TGM3: variants seen among roughly 807,000 people sequenced by gnomAD.
TGM3 encodes protein-glutamine gamma-glutamyltransferase E.
Under a neutral mutation model 73.8 loss-of-function variants are expected in TGM3, and 52 were observed. That is an observed-to-expected ratio of 0.70 (90% CI 0.56 to 0.89). The LOEUF (loss-of-function observed/expected upper bound fraction) is 0.89. Ranked by LOEUF, TGM3 falls within the 40% of genes least tolerant of loss-of-function variation. TGM3 has a pLI of 0.00. For missense variants in TGM3, 928 were observed against 909.9 expected (o/e 1.02, Z -0.26); for synonymous variants, 372 against 354.9 (o/e 1.05, Z -0.54).
Position 2,310,449 on chromosome 20 carries a change from T to G in TGM3, c.421+32T>G, listed in dbSNP as rs1600695078. The G allele has an allele frequency of 1.1e-5, 17 of 1,606,642 alleles. No individual in the cohort carries two copies. In the East Asian group the frequency reaches 3.8e-4, roughly 36 times the overall value. On this transcript the variant is annotated intron_variant, in intron 3 of 12. Transcript: ENST00000381458. ...GTCTAGCCACCCACACTCTCAGCCC[T>G]GGCCTAAGCTAGAAAAGAAAAAGGG...
chr20:2,310,471 A>C (rs1290506985), intron 3 of TGM3, 54 bp downstream of exon 3: 1 of 1,593,678 alleles, frequency 6.3e-7, no homozygotes, highest in Non-Finnish European at 8.6e-7. Flanking sequence ...GAAAAGAAAA[A>C]GGGGATGGGG....
At chr20:2,298,810 A>ACTCT (rs202100268) in intron 1 of TGM3, among the ~76,000 whole-genome samples, 2 of 151,118 alleles carry the variant, frequency 1.3e-5, no homozygotes, top group African/African-American at 2.4e-5. Context: ...GGCAATATCT[A>ACTCT]CTCTCTCTCT....
In TGM3 at chr20:2,335,135, G is replaced by T. The variant is rs774955205; in HGVS notation, c.1662G>T (p.Lys554Asn). ...TTCCAGAGGCAGAACATCCCATAAAGATCTCGTACGCTCAGTATGAGAAGT... is the reference window on the plus strand; with the variant it reads ...TTCCAGAGGCAGAACATCCCATAAATATCTCGTACGCTCAGTATGAGAAGT... ...DPEEEAEHPIKISYAQYEKYL... is the reference protein window; with the variant it reads ...DPEEEAEHPINISYAQYEKYL... The change falls in exon 11 of 13, where the codon AAG becomes AAT. Residue 554 changes from lysine to asparagine, a missense_variant. Physicochemically the swap from Lys to Asn is moderately conservative, Grantham distance 94. Transcript: ENST00000381458. 4 of 1,614,110 alleles carry T rather than the reference G, an allele frequency of 2.5e-6. No homozygotes were observed. The African/African-American group carries it at 5.3e-5, about 22-fold the overall frequency.
At position 2,334,991 on chromosome 20, in the gene TGM3, A is replaced by T; in HGVS notation, c.1643-125A>T. On this transcript the variant is annotated intron_variant, in intron 10 of 12. Transcript: ENST00000381458. The surrounding 1 kb of genome is among the most constrained non-coding windows in gnomAD (Gnocchi z 4.0). Reference sequence around the variant, plus strand: ...ACAGGACCTGGCCCAAGGAGGGCTCAGTCAAGCCCGGGGCTGCAGATCCTC... The same window carrying T: ...ACAGGACCTGGCCCAAGGAGGGCTCTGTCAAGCCCGGGGCTGCAGATCCTC... 8.0e-7 allele frequency: 1 copy of T among 1,243,478 alleles called. No individual in the cohort carries two copies. The highest frequency in any genetic ancestry group is 1.1e-6 in the Non-Finnish European group (1 of 881,494). The allele number at this position is 1,243,478 out of a possible 1,614,324, so 77.0% of individuals were successfully genotyped here.
rs1178199040 is a variant in TGM3, at chr20:2,309,797, T to A, written c.148T>A (p.Ser50Thr). 4 of 1,614,192 alleles carry A rather than the reference T, an allele frequency of 2.5e-6. No individual in the cohort carries two copies. The South Asian group carries it at 3.3e-5, about 13-fold the overall frequency. Reference sequence around the variant, plus strand: ...AATGATCATGAACAAAGGCCTTGGCTCTAACGAAAGACTGGAGTTCATTGT... The same window carrying A: ...AATGATCATGAACAAAGGCCTTGGCACTAACGAAAGACTGGAGTTCATTGT... ...VLMIMNKGLGSNERLEFIVST... is the reference protein window; with the variant it reads ...VLMIMNKGLGTNERLEFIVST... The change falls in exon 2 of 13, where the codon TCT becomes ACT. Residue 50 changes from serine (S) to threonine (T), a missense_variant. Physicochemically the swap from Ser to Thr is moderately conservative, Grantham distance 58. Coordinates refer to ENST00000381458, the MANE Select transcript of TGM3 (RefSeq NM_003245.4).
intron 7 of TGM3, among the ~76,000 whole-genome samples, chr20:2,324,121 A>G (rs79934144): frequency 0.014 from 2,163 of 150,860 alleles, 46 homozygotes; most frequent in African/African-American, 0.049. Flanking sequence ...AAATTTATTG[A>G]CTCTTTCCTC....
chr20:2,298,714 T>C (rs1015929832), intron 1 of TGM3, among the ~76,000 whole-genome samples: 6 of 152,204 alleles, frequency 3.9e-5, no homozygotes, highest in Non-Finnish European at 7.3e-5. Context: ...GGAATTGCTC[T>C]TGGGTTCTGG....
chr20:2,340,356 A>G (rs1247555550), intron 12 of TGM3, 78 bp from the exon 13 acceptor site: 2 of 1,577,448 alleles, frequency 1.3e-6, no homozygotes, highest in Admixed American at 3.4e-5. Context: ...TCAGAACAGG[A>G]CAGGAGGTCA....
At chr20:2,305,638 T>C (rs973486359) in intron 1 of TGM3, among the ~76,000 whole-genome samples, 1 of 152,162 alleles carries the variant, frequency 6.6e-6, no homozygotes, top group Non-Finnish European at 1.5e-5. Flanking sequence ...CGGAGCAGTC[T>C]CGCACATCCC....
chr20:2,323,684 G>A (rs1195424517), intron 7 of TGM3, among the ~76,000 whole-genome samples: 1 of 152,228 alleles, frequency 6.6e-6, no homozygotes, highest in Non-Finnish European at 1.5e-5. Context: ...GGGTATGACA[G>A]TGCTTGTTTT....
chr20:2,326,040 C>T (rs559716785), intron 8 of TGM3, 88 bp downstream of exon 8: 3 of 1,283,292 alleles, frequency 2.3e-6, no homozygotes, highest in Admixed American at 4.1e-5. Flanking sequence ...CTCCAAAGCC[C>T]TCTCCCTCTG....
At chr20:2,340,334 G>A (rs2084374477) in intron 12 of TGM3, 100 bp from the exon 13 acceptor site, 2 of 1,526,588 alleles carry the variant, frequency 1.3e-6, no homozygotes, top group African/African-American at 2.7e-5. Flanking sequence ...CAGTGGCCTT[G>A]CCCAGCCTCC....
At position 2,330,223 on chromosome 20, in the gene TGM3, G is replaced by A. The variant is rs577200524; in HGVS notation, c.1334-1779G>A. On this transcript the variant is annotated intron_variant, in intron 9 of 12. Transcript: ENST00000381458. ...TATGTTGCTAAGTATTGATGCAATA[G>A]CAACAGCAAAGGGAGAAAACAGCAG... Among the ~76,000 whole-genome samples the A allele has an allele frequency of 9.2e-5, 14 of 152,300 alleles. No individual in the cohort carries two copies. In the East Asian group the frequency reaches 2.5e-3, roughly 27 times the overall value.
intron 11 of TGM3, among the ~76,000 whole-genome samples, chr20:2,337,671 G>A (rs942179139): frequency 9.3e-5 from 14 of 150,514 alleles, no homozygotes; most frequent in Non-Finnish European, 2.1e-4. Flanking sequence ...AGTGAGCCGA[G>A]ATCACACCAC....
intron 1 of TGM3, among the ~76,000 whole-genome samples, chr20:2,300,223 AG>A (rs1740646719): frequency 2.1e-5 from 2 of 97,090 alleles, no homozygotes; most frequent in Admixed American, 1.3e-4. Flanking sequence ...AAGAGAAGAA[AG>A]AAAGAAAGAA....
chr20:2,334,030 G>A lies in TGM3; in HGVS notation c.1643-1086G>A, dbSNP rs1271006123. Among the ~76,000 whole-genome samples, 1 of 152,128 alleles carries A rather than the reference G, an allele frequency of 6.6e-6. No homozygotes were observed. The highest frequency in any genetic ancestry group is 1.5e-5 in the Non-Finnish European group (1 of 68,024). The stretch of plus-strand genomic sequence containing the variant: ...GAGTATGTAATACTGTGGGTGCTGG[G>A]GCATCCCCAGGCCACCCAGCATGAC... On this transcript the variant is annotated intron_variant, in intron 10 of 12. Transcript: ENST00000381458. This position sits in a 1 kb window ranked among gnomAD's most constrained non-coding sequence, Gnocchi z 4.0.
chr20:2,314,548 CACA>C (rs1321817614), intron 5 of TGM3, among the ~76,000 whole-genome samples: 1 of 151,338 alleles, frequency 6.6e-6, no homozygotes, highest in Non-Finnish European at 1.5e-5. Flanking sequence ...CACACACACA[CACA>C]CACACACACA....
rs2084338561 is a variant in TGM3, at chr20:2,334,660, T to C, written c.1643-456T>C. On this transcript the variant is annotated intron_variant, in intron 10 of 12. Coordinates refer to ENST00000381458, the MANE Select transcript of TGM3 (RefSeq NM_003245.4). The surrounding 1 kb of genome is among the most constrained non-coding windows in gnomAD (Gnocchi z 4.0). The stretch of plus-strand genomic sequence containing the variant: ...TTCCACTGCCCCTCAGAAGGACACT[T>C]GTGGCTGGGAGCAGTGCTCACGCCT... Among the ~76,000 whole-genome samples the C allele has an allele frequency of 6.6e-6, 1 of 152,182 alleles. No individual in the cohort carries two copies. Among genetic ancestry groups the C allele is most frequent in the African/African-American group, 2.4e-5 (1 of 41,436 alleles).
chr20:2,317,486 G>C lies in TGM3; in HGVS notation c.983+1G>C. On this transcript the variant is annotated splice_donor_variant, in intron 7 of 12. Transcript: ENST00000381458. LOFTEE classifies it high-confidence loss of function. ...TGGACAAGGGTAGTGATAGCGTATG[G>C]TAAGTATCTCACCTTTTCCCTGAAC... 2 of 1,614,194 alleles carry C rather than the reference G, an allele frequency of 1.2e-6. No homozygotes were observed. The highest frequency in any genetic ancestry group is 1.7e-6 in the Non-Finnish European group (2 of 1,180,040).
Sources: gnomAD v4.1 joint callset for allele counts (sites outside exome capture counted in the v4.1 genomes callset) on GRCh38, gnomAD v4.1.1 for gene constraint, Gnocchi (gnomAD v3.1) non-coding constraint, MANE v1.5 for transcripts, NCBI Gene and HGNC (gene_info 2026-07-23, HGNC 2026-07-21) for gene names.